Variants in SENP5 observed in about 807,000 individuals in gnomAD.
SENP5 encodes SUMO specific peptidase 5.
A neutral mutation model predicts 74.2 loss-of-function variants in SENP5; 21 were observed. The ratio of observed to expected loss-of-function variants is 0.28; its 90% CI spans 0.20 to 0.41. The LOEUF (loss-of-function observed/expected upper bound fraction) is 0.41, where lower values mean the gene tolerates loss of function less well. Among genes scored for constraint, SENP5 ranks in the 10% least tolerant of loss-of-function variants. The probability of loss-of-function intolerance (pLI) is 1.00; values close to 1 mark genes in which losing one functional copy is unlikely to be tolerated. For synonymous variants in SENP5, 311 were observed against 312.7 expected, an observed-to-expected ratio of 0.99 and a Z score of 0.06; for missense variants, 717 against 889.1, an observed-to-expected ratio of 0.81 and a Z score of 2.46.
chr3:196,904,535 C>A (rs986188278), intron 6 of SENP5, among the ~76,000 whole-genome samples: 1 of 152,160 alleles, frequency 6.6e-6, no homozygotes, highest in Non-Finnish European at 1.5e-5. Context: ...CGCCTGTAAT[C>A]CCAGCACTTT....
chr3:196,900,880 G>A lies in SENP5; in HGVS notation c.1806+468G>A, dbSNP rs74488855. 2.7e-3 allele frequency among the ~76,000 whole-genome samples: 417 copies of A among 152,038 alleles called. 2 individuals carry two copies. The highest frequency in any genetic ancestry group is 9.6e-3 in the African/African-American group (398 of 41,482). ...TGGGATTACAGGTGTGAGCCACAGCGCCTGGCCCCATCAAATCACTTCAGC... is the reference window on the plus strand; with the variant it reads ...TGGGATTACAGGTGTGAGCCACAGCACCTGGCCCCATCAAATCACTTCAGC... On this transcript the variant is annotated intron_variant, in intron 5 of 9. Coordinates refer to ENST00000323460, the MANE Select transcript of SENP5 (RefSeq NM_152699.5).
intron 5 of SENP5, among the ~76,000 whole-genome samples, chr3:196,900,845 C>T (rs866856930): frequency 2.0e-5 from 3 of 152,064 alleles, no homozygotes; most frequent in South Asian, 2.1e-4. Flanking sequence ...GCCTTGGTCT[C>T]CCAAAGTGCT....
At chr3:196,898,132 C>A (rs531322043) in intron 2 of SENP5, among the ~76,000 whole-genome samples, 6 of 147,854 alleles carry the variant, frequency 4.1e-5, no homozygotes, top group Non-Finnish European at 7.4e-5. Flanking sequence ...GAGCCGAAAT[C>A]GCACCATTGC....
Position 196,913,647 on chromosome 3 carries a change from CTTTTTTT to C in SENP5, c.1885-9751_1885-9745del, listed in dbSNP as rs1229412806. Among the ~76,000 whole-genome samples the C allele has an allele frequency of 1.6e-4, 16 of 98,084 alleles. 1 individual carries two copies. Among genetic ancestry groups the C allele is most frequent in the African/African-American group, 1.9e-4 (5 of 26,594 alleles). 64.3% of individuals were successfully genotyped at this position (98,084 alleles called of 152,430 possible). ...GTGATGAAAAGGTTTATAAGAAAGGCTTTTTTTTTTTTTTTTTTTTTTGATGGAGTGT... is the reference window on the plus strand; with the variant it reads ...GTGATGAAAAGGTTTATAAGAAAGGCTTTTTTTTTTTTTTTGATGGAGTGT... On this transcript the variant is annotated intron_variant, in intron 6 of 9. Transcript: ENST00000323460.
intron 2 of SENP5, among the ~76,000 whole-genome samples, chr3:196,896,976 T>C (rs1714467550): frequency 6.6e-6 from 1 of 152,182 alleles, no homozygotes; most frequent in African/African-American, 2.4e-5. Flanking sequence ...GTTTATCATC[T>C]GAAAATGAAA....
intron 2 of SENP5, among the ~76,000 whole-genome samples, chr3:196,890,541 T>C (rs1026970927): frequency 6.8e-6 from 1 of 146,626 alleles, no homozygotes; most frequent in Non-Finnish European, 1.6e-5. Context: ...GCAATGACAG[T>C]AGCGGGTTGC....
At position 196,899,713 on chromosome 3, in the gene SENP5, A is replaced by C; in HGVS notation, c.1561A>C (p.Ser521Arg). 6.2e-7 allele frequency: 1 copy of C among 1,611,348 alleles called. No individual in the cohort carries two copies. Among genetic ancestry groups the C allele is most frequent in the Non-Finnish European group, 8.5e-7 (1 of 1,177,610 alleles). Reference sequence around the variant, plus strand: ...GAAGTATGGCAGTTTGGTTCCACTCAGTGAAAAAGAAGTCCTTGGAAGATT... The same window carrying C: ...GAAGTATGGCAGTTTGGTTCCACTCCGTGAAAAAGAAGTCCTTGGAAGATT... Reference protein sequence around the residue: ...MKKYGSLVPLSEKEVLGRLKD... With the variant: ...MKKYGSLVPLREKEVLGRLKD... The change falls in exon 3 of 10, where the codon AGT (serine) becomes CGT (arginine). Residue 521 changes from serine to arginine, a missense_variant. This residue lies in a region of SENP5 where 64 missense variants were observed against 100.8 expected (regional missense o/e 0.64). Transcript: ENST00000323460.
chr3:196,923,663 G>GTT lies in SENP5; in HGVS notation c.2022+112_2022+113insTT. ...ACCATATAGGAACAGTTTATGTCAT[G>GTT]AAAATCCTCCAAAGTGTTAGCTGAG... On this transcript the variant is annotated intron_variant, in intron 7 of 9. Transcript: ENST00000323460. 3 of 680,278 alleles carry GTT rather than the reference G, an allele frequency of 4.4e-6. No homozygotes were observed. The South Asian group carries it at 6.2e-5, about 14-fold the overall frequency. The allele number at this position is 680,278 out of a possible 1,614,324, so 42.1% of individuals were successfully genotyped here.
At chr3:196,887,310 G>A (rs1162038936) in intron 2 of SENP5, among the ~76,000 whole-genome samples, 2 of 152,050 alleles carry the variant, frequency 1.3e-5, no homozygotes, top group Admixed American at 6.6e-5. Context: ...CCCCCGAGTA[G>A]TTGGGATTAC....
In SENP5 at chr3:196,886,116, G is replaced by A. The variant is rs781635883; in HGVS notation, c.935G>A (p.Ser312Asn). The change falls in exon 2 of 10, where the codon AGC becomes AAC. Residue 312 changes from serine to asparagine, a missense_variant. Coordinates refer to ENST00000323460, the MANE Select transcript of SENP5 (RefSeq NM_152699.5). ...RHQPYFPDMD[S>N]SAVVKGTNSH... ...CAGCCGTACTTTCCAGATATGGACA[G>A]CAGTGCTGTGGTGAAGGGGACGAAC... is the stretch of plus-strand genomic sequence containing the variant. The A allele has an allele frequency of 1.9e-6, 3 of 1,614,250 alleles. No individual in the cohort carries two copies. The highest frequency in any genetic ancestry group is 1.7e-5 in the Admixed American group (1 of 60,032).
At chr3:196,871,506 C>T (rs1577786016) in intron 1 of SENP5, among the ~76,000 whole-genome samples, 2 of 152,218 alleles carry the variant, frequency 1.3e-5, no homozygotes, top group Non-Finnish European at 2.9e-5. Flanking sequence ...AGGCAGTCTT[C>T]TGACTCTGAA....
chr3:196,920,598 T>C (rs140304642), intron 6 of SENP5, among the ~76,000 whole-genome samples: 1 of 152,350 alleles, frequency 6.6e-6, no homozygotes, highest in Non-Finnish European at 1.5e-5. Context: ...TTTCCCTAGT[T>C]CTCAGTCTTG....
At chr3:196,929,780 C>A in intron 9 of SENP5, 97 bp downstream of exon 9, 1 of 817,536 alleles carries the variant, frequency 1.2e-6, no homozygotes, top group Non-Finnish European at 2.1e-6. Flanking sequence ...GTATATGATG[C>A]TAGGTACGAG....
chr3:196,887,273 G>A (rs1343015156), intron 2 of SENP5, among the ~76,000 whole-genome samples: 1 of 151,966 alleles, frequency 6.6e-6, no homozygotes, highest in Non-Finnish European at 1.5e-5. Flanking sequence ...TCCACCTCCT[G>A]GGTTCAAGTG....
intron 1 of SENP5, among the ~76,000 whole-genome samples, chr3:196,875,024 C>T (rs961591190): frequency 6.6e-6 from 1 of 152,228 alleles, no homozygotes; most frequent in Non-Finnish European, 1.5e-5. Context: ...ATGATGTCCT[C>T]TTTTCAGAAT....
intron 6 of SENP5, 80 bp from the exon 7 acceptor site, chr3:196,923,333 TC>T: frequency 4.7e-6 from 7 of 1,489,968 alleles, no homozygotes; most frequent in Non-Finnish European, 6.3e-6. Context: ...AGGTCAAAGG[TC>T]AGCAAATGGA....
rs1713153403 is a variant in SENP5 at position 196,870,248 on chromosome 3, A to T, written c.-32+2175A>T. Among the ~76,000 whole-genome samples, 3 of 152,140 alleles carry T rather than the reference A, an allele frequency of 2.0e-5. No homozygotes were observed. The South Asian group carries it at 6.2e-4, about 32-fold the overall frequency. ...AAGGTGGTCACAGTGCTTTACATGTATTTTTCTTACCTATTATGGTGAAAC... is the reference window on the plus strand; with the variant it reads ...AAGGTGGTCACAGTGCTTTACATGTTTTTTTCTTACCTATTATGGTGAAAC... On this transcript the variant is annotated intron_variant, in intron 1 of 9. Coordinates refer to ENST00000323460, the MANE Select transcript of SENP5 (RefSeq NM_152699.5).
chr3:196,903,498 A>G (rs755546191), intron 5 of SENP5, 35 bp from the exon 6 acceptor site: 15 of 1,420,504 alleles, frequency 1.1e-5, no homozygotes, highest in Non-Finnish European at 1.5e-5. Flanking sequence ...ACAGCCTAAT[A>G]TAATCTGGTT....
intron 6 of SENP5, among the ~76,000 whole-genome samples, chr3:196,922,538 C>T (rs375777794): frequency 6.6e-6 from 1 of 152,186 alleles, no homozygotes; most frequent in African/African-American, 2.4e-5. Context: ...CAGCCTCGAC[C>T]TCCTGGGCTC....
Sources: gnomAD v4.1 joint callset for allele counts (sites outside exome capture counted in the v4.1 genomes callset) on GRCh38, gnomAD v4.1.1 for gene constraint, gnomAD v4.1.1 regional missense constraint, MANE v1.5 for transcripts, NCBI Gene and HGNC (gene_info 2026-07-23, HGNC 2026-07-21) for gene names.